Variants in HEG1 observed in about 807,000 individuals in gnomAD.
The protein encoded by HEG1 is protein HEG homolog 1.
Under a neutral mutation model 125.6 loss-of-function variants are expected in HEG1, and 56 were observed. That is an observed-to-expected ratio of 0.45 (90% CI 0.36 to 0.56). HEG1 has a LOEUF of 0.56. HEG1 is among the 20% of genes least tolerant of loss of function. HEG1 has a pLI of 0.00. For synonymous variants in HEG1, 644 were observed against 668.5 expected (o/e 0.96, Z 0.57); for missense variants, 1,523 against 1,670.0 (o/e 0.91, Z 1.53).
At chr3:125,018,010 CAG>C (rs1470152095) in intron 5 of HEG1, among the ~76,000 whole-genome samples, 1 of 150,584 alleles carries the variant, frequency 6.6e-6, no homozygotes, top group African/African-American at 2.5e-5. Flanking sequence ...GCCTGGGCAA[CAG>C]AGAGAGACTC....
intron 1 of HEG1, among the ~76,000 whole-genome samples, chr3:125,042,753 C>T (rs1937604523): frequency 1.3e-5 from 2 of 152,168 alleles, no homozygotes; most frequent in African/African-American, 4.8e-5. Context: ...TACCTTCCAC[C>T]AAGGGTCCTC....
At chr3:125,016,429 C>T (rs1281402528) in intron 5 of HEG1, among the ~76,000 whole-genome samples, 10 of 152,102 alleles carry the variant, frequency 6.6e-5, no homozygotes, top group Admixed American at 5.9e-4. Flanking sequence ...TCCTCATGAA[C>T]CAACTGAGCA....
intron 8 of HEG1, among the ~76,000 whole-genome samples, chr3:125,008,812 CAAA>C (rs1489770562): frequency 1.1e-5 from 1 of 92,638 alleles, no homozygotes; most frequent in South Asian, 4.0e-4. Context: ...AAACAAAAAA[CAAA>C]AAACACAAAA....
intron 1 of HEG1, among the ~76,000 whole-genome samples, chr3:125,032,690 T>A (rs1197927963): frequency 2.6e-5 from 4 of 152,214 alleles, no homozygotes. Flanking sequence ...TGGCTAACTG[T>A]GCACAATGAG....
intron 10 of HEG1, 107 bp downstream of exon 10, chr3:125,002,150 C>T (rs1937010619): frequency 1.3e-6 from 2 of 1,488,936 alleles, no homozygotes; most frequent in Non-Finnish European, 1.9e-6. Flanking sequence ...CCCTGGATTG[C>T]CCCATGGCTG....
At chr3:125,052,388 C>T (rs9851127) in intron 1 of HEG1, among the ~76,000 whole-genome samples, 3 of 152,018 alleles carry the variant, frequency 2.0e-5, no homozygotes, top group Non-Finnish European at 2.9e-5. Context: ...ACAGCTCAGA[C>T]GGGGCTCAGC....
At chr3:124,979,005 C>T (rs373844283) in intron 14 of HEG1, among the ~76,000 whole-genome samples, 150 of 150,668 alleles carry the variant, frequency 1.0e-3, no homozygotes, top group African/African-American at 3.6e-3. Context: ...GTCTGGAGTG[C>T]AATGGTGCGA....
Position 125,021,104 on chromosome 3 carries a change from T to A in HEG1, c.940A>T (p.Asn314Tyr), listed in dbSNP as rs150448589. ...GAGGAGCTCTGGAGGCCAGTGGAGT[T>A]GTTAAGCTTCTCTGTACTTTCAGAA... ...SSSESTEKLN[N>Y]STGLQSSSVS... The change falls in exon 4 of 17, where the codon AAC (asparagine) becomes TAC (tyrosine). Residue 314 changes from asparagine (N) to tyrosine (Y), a missense_variant. Physicochemically the swap from Asn to Tyr is moderately radical, Grantham distance 143 (BLOSUM62 -2). Coordinates refer to ENST00000311127, the MANE Select transcript of HEG1 (RefSeq NM_020733.2). 5 of 1,581,508 alleles carry A rather than the reference T, an allele frequency of 3.2e-6. No individual in the cohort carries two copies. In the Admixed American group the frequency reaches 9.2e-5, roughly 29 times the overall value.
At position 124,967,092 on chromosome 3, in the gene HEG1, T is replaced by A. The variant is rs973148197; in HGVS notation, c.*3560A>T. Reference sequence around the variant, plus strand: ...TTGACTGAACCACCTATCAGCAATTTTGGCTCTAAATGTCTTAGCTGCTTC... The same window carrying A: ...TTGACTGAACCACCTATCAGCAATTATGGCTCTAAATGTCTTAGCTGCTTC... On this transcript the variant is annotated 3_prime_UTR_variant, in exon 17 of 17. Transcript: ENST00000311127. The A allele has an allele frequency of 1.3e-5, 2 of 152,254 alleles. No individual in the cohort carries two copies. The highest frequency in any genetic ancestry group is 4.8e-5 in the African/African-American group (2 of 41,472). The allele number at this position is 152,254 out of a possible 1,614,324, so 9.4% of individuals were successfully genotyped here.
Position 124,970,950 on chromosome 3 carries a change from T to A in HEG1, c.3997-149A>T, listed in dbSNP as rs1048625290. 1.4e-5 allele frequency: 10 copies of A among 716,628 alleles called. No individual in the cohort carries two copies. The African/African-American group carries it at 1.4e-4, about 10-fold the overall frequency. The allele number at this position is 716,628 out of a possible 1,614,324, so 44.4% of individuals were successfully genotyped here. On this transcript the variant is annotated intron_variant, in intron 16 of 16. Coordinates refer to ENST00000311127, the MANE Select transcript of HEG1 (RefSeq NM_020733.2). The stretch of plus-strand genomic sequence containing the variant: ...TTCTACCAATTATTTCTAATTTTTT[T>A]AAAGTATCTTTCTCTCTGGAGCACA...
At position 124,967,444 on chromosome 3, in the gene HEG1, A is replaced by T. The variant is rs568463402; in HGVS notation, c.*3208T>A. 1 of 147,868 alleles carries T rather than the reference A, an allele frequency of 6.8e-6. No individual in the cohort carries two copies. Among genetic ancestry groups the T allele is most frequent in the African/African-American group, 2.5e-5 (1 of 40,154 alleles). The allele number at this position is 147,868 out of a possible 1,614,324, so 9.2% of individuals were successfully genotyped here. A position where few individuals can be genotyped will look rare whatever the true frequency, so the allele number is the denominator to read the frequency against. ...AAACAATCTGAAAGCACATTTTCAA[A>T]AGGGTAGTCAGCATTTTTTTTTTTT... On this transcript the variant is annotated 3_prime_UTR_variant, in exon 17 of 17. Coordinates refer to ENST00000311127, the MANE Select transcript of HEG1 (RefSeq NM_020733.2).
intron 12 of HEG1, among the ~76,000 whole-genome samples, chr3:124,992,302 A>G (rs1330101810): frequency 2.6e-5 from 4 of 152,224 alleles, no homozygotes; most frequent in African/African-American, 9.6e-5. Flanking sequence ...TCCCTGGATC[A>G]GCAGTTCCTG....
At chr3:125,024,714 T>A (rs1253475374) in intron 3 of HEG1, among the ~76,000 whole-genome samples, 1 of 152,150 alleles carries the variant, frequency 6.6e-6, no homozygotes, top group Non-Finnish European at 1.5e-5. Context: ...TCGGAAGAGG[T>A]TATGTTGCAT....
At chr3:124,987,533 T>C (rs1452575007) in intron 14 of HEG1, among the ~76,000 whole-genome samples, 1 of 150,334 alleles carries the variant, frequency 6.7e-6, no homozygotes, top group Non-Finnish European at 1.5e-5. Flanking sequence ...CTTTTTTTTT[T>C]TTTTTTTGAG....
chr3:125,009,918 G>A, intron 7 of HEG1, 94 bp from the exon 8 acceptor site: 1 of 1,318,660 alleles, frequency 7.6e-7, no homozygotes, highest in Non-Finnish European at 1.0e-6. Context: ...GCCAAATGGT[G>A]CTAGGTGTGG....
chr3:124,979,323 G>T (rs753235276), intron 14 of HEG1, among the ~76,000 whole-genome samples: 1 of 152,044 alleles, frequency 6.6e-6, no homozygotes, highest in African/African-American at 2.4e-5. Context: ...GTTAGACTCC[G>T]CAATTTTATA....
At chr3:124,972,986 G>A (rs1936471505) in intron 16 of HEG1, among the ~76,000 whole-genome samples, 1 of 150,878 alleles carries the variant, frequency 6.6e-6, no homozygotes, top group South Asian at 2.1e-4. Context: ...TCCCCTAGTT[G>A]GTTTTTTTGT....
At chr3:125,038,701 C>G (rs1937568199) in intron 1 of HEG1, among the ~76,000 whole-genome samples, 2 of 152,184 alleles carry the variant, frequency 1.3e-5, no homozygotes, top group African/African-American at 4.8e-5. Flanking sequence ...CTATTCAGCA[C>G]CTGTGTACAC....
intron 5 of HEG1, 122 bp from the exon 6 acceptor site, chr3:125,014,112 T>C (rs893649092): frequency 3.3e-6 from 3 of 920,228 alleles, no homozygotes; most frequent in African/African-American, 3.4e-5. Context: ...AAACACTTGC[T>C]TTGGAGAGGT....
Sources: gnomAD v4.1 joint callset for allele counts (sites outside exome capture counted in the v4.1 genomes callset) on GRCh38, gnomAD v4.1.1 for gene constraint, MANE v1.5 for transcripts, NCBI Gene and HGNC (gene_info 2026-07-23, HGNC 2026-07-21) for gene names.